PSMG2: variants seen among roughly 807,000 people sequenced by gnomAD.
PSMG2 encodes the protein proteasome assembly chaperone 2.
Under a neutral mutation model 31.5 loss-of-function variants are expected in PSMG2, and 21 were observed. That is an observed-to-expected ratio of 0.67 (90% CI 0.47 to 0.96). PSMG2 has a LOEUF of 0.96. Ranked by LOEUF, PSMG2 falls within the 40% of genes least tolerant of loss-of-function variation. The pLI, the probability that PSMG2 is intolerant of heterozygous loss-of-function variation, is 0.00. For synonymous variants in PSMG2, 120 were observed against 110.4 expected, an observed-to-expected ratio of 1.09 and a Z score of -0.54; for missense variants, 318 against 321.2, an observed-to-expected ratio of 0.99 and a Z score of 0.08.
At chr18:12,660,874 CTT>C (rs1381211139) in intron 1 of PSMG2, among the ~76,000 whole-genome samples, 1 of 152,036 alleles carries the variant, frequency 6.6e-6, no homozygotes, top group Non-Finnish European at 1.5e-5. Context: ...TGTGATGTTT[CTT>C]CTCTACACAA....
intron 3 of PSMG2, among the ~76,000 whole-genome samples, chr18:12,714,356 A>C (rs1399022915): frequency 6.6e-6 from 1 of 152,158 alleles, no homozygotes; most frequent in African/African-American, 2.4e-5. Flanking sequence ...CATTAAGCTC[A>C]TCCTGTCTCA....
At chr18:12,659,913 A>G (rs576079260) in intron 1 of PSMG2, among the ~76,000 whole-genome samples, 19 of 152,282 alleles carry the variant, frequency 1.2e-4, no homozygotes, top group South Asian at 2.1e-4. Flanking sequence ...AAAACAGACA[A>G]ACATTCCCAA....
intron 1 of PSMG2, among the ~76,000 whole-genome samples, chr18:12,671,761 C>G (rs1389035064): frequency 6.6e-6 from 1 of 151,018 alleles, no homozygotes; most frequent in African/African-American, 2.4e-5. Context: ...CCGCCTCAGA[C>G]TCCCGAGTAG....
At chr18:12,686,513 A>G (rs144339037) in intron 1 of PSMG2, 4 of 1,184,052 alleles carry the variant, frequency 3.4e-6, no homozygotes, top group Non-Finnish European at 4.9e-6. Context: ...TGTTTTTTTC[A>G]AATACATTAA....
upstream of PSMG2, chr18:12,698,833 G>C (rs1476856963): frequency 1.6e-5 from 10 of 621,482 alleles, no homozygotes; most frequent in Non-Finnish European, 2.8e-5. Context: ...GTGGATAGTA[G>C]TTTAAATTGA....
chr18:12,706,576 C>T lies in PSMG2; in HGVS notation c.84C>T (p.Gly28=). 1.2e-6 allele frequency: 2 copies of T among 1,613,796 alleles called. No individual in the cohort carries two copies. Among genetic ancestry groups the T allele is most frequent in the Non-Finnish European group, 8.5e-7 (1 of 1,179,930 alleles). ...LMPAVSVGNV[G]QLAMDLIIST... ...CAGCAGTATCTGTTGGAAATGTTGG[C>T]CAGCTTGCAATGGATCTGATTATTT... Residue 28 remains glycine, a synonymous_variant, in exon 2 of 7, where the codon GGC becomes GGT. Coordinates refer to ENST00000317615, the MANE Select transcript of PSMG2 (RefSeq NM_020232.5).
At chr18:12,707,690 T>TA (rs1291803304) in intron 2 of PSMG2, among the ~76,000 whole-genome samples, 1 of 152,236 alleles carries the variant, frequency 6.6e-6, no homozygotes, top group East Asian at 1.9e-4. Context: ...AGCACCCAGT[T>TA]ACTACCTTTG....
chr18:12,686,160 G>A (rs1762563161), intron 1 of PSMG2: 1 of 883,242 alleles, frequency 1.1e-6, no homozygotes, highest in Non-Finnish European at 1.7e-6. Context: ...ACAGAGGGTT[G>A]ACTATATGTG....
chr18:12,683,186 C>CAAAAAAAAAAA lies in PSMG2; in HGVS notation c.-36-23356_-36-23346dup, dbSNP rs765652085. On this transcript the variant is annotated intron_variant, in intron 1 of 6. Transcript: ENST00000585331. Reference sequence around the variant, plus strand: ...GAAACCCCATCTCTACTAAAAATACCAAAAAAAAAAAAAAAAAAGCCAGGC... The same window carrying CAAAAAAAAAAA: ...GAAACCCCATCTCTACTAAAAATACCAAAAAAAAAAAAAAAAAAAAAAAAAAAAAGCCAGGC... Among the ~76,000 whole-genome samples, 39 of 63,662 alleles carry CAAAAAAAAAAA rather than the reference C, an allele frequency of 6.1e-4. 2 individuals carry two copies. Among genetic ancestry groups the CAAAAAAAAAAA allele is most frequent in the African/African-American group, 1.8e-3 (31 of 16,992 alleles). The allele number at this position is 63,662 out of a possible 152,430, so 41.8% of individuals were successfully genotyped here.
At chr18:12,664,138 C>A (rs2038756200) in intron 1 of PSMG2, among the ~76,000 whole-genome samples, 1 of 151,650 alleles carries the variant, frequency 6.6e-6, no homozygotes, top group Non-Finnish European at 1.5e-5. Flanking sequence ...GCACTCCAGT[C>A]TGGGCAACCA....
chr18:12,709,138 C>T (rs181863275), intron 2 of PSMG2, among the ~76,000 whole-genome samples: 124 of 151,112 alleles, frequency 8.2e-4, no homozygotes, highest in Non-Finnish European at 1.4e-3. Context: ...CTCTGCCTCC[C>T]GGGTTCAAGC....
At chr18:12,660,879 C>T (rs1303389762) in intron 1 of PSMG2, among the ~76,000 whole-genome samples, 1 of 152,176 alleles carries the variant, frequency 6.6e-6, no homozygotes, top group Non-Finnish European at 1.5e-5. Flanking sequence ...TGTTTCTTCT[C>T]TACACAAAAT....
At chr18:12,721,714 A>T (rs996198173) in intron 5 of PSMG2, among the ~76,000 whole-genome samples, 4 of 149,866 alleles carry the variant, frequency 2.7e-5, no homozygotes, top group Non-Finnish European at 5.9e-5. Flanking sequence ...ATTCTCTATT[A>T]TTCTATTATT....
chr18:12,690,657 G>T (rs530763017), intron 1 of PSMG2, among the ~76,000 whole-genome samples: 1 of 152,022 alleles, frequency 6.6e-6, no homozygotes, highest in Admixed American at 6.6e-5. Context: ...GGGTTTCACC[G>T]TGTTAGCCAG....
At chr18:12,722,243 A>C (rs1350535684) in intron 5 of PSMG2, among the ~76,000 whole-genome samples, 2 of 152,230 alleles carry the variant, frequency 1.3e-5, no homozygotes, top group Non-Finnish European at 2.9e-5. Context: ...CAATTTATGA[A>C]ACAACTGTTT....
Position 12,673,154 on chromosome 18 carries a change from T to C in PSMG2, c.-37+14381T>C. 4.2e-6 allele frequency: 5 copies of C among 1,190,974 alleles called. No individual in the cohort carries two copies. The African/African-American group carries it at 6.4e-5, about 15-fold the overall frequency. 73.8% of individuals were successfully genotyped at this position (1,190,974 alleles called of 1,614,324 possible). On this transcript the variant is annotated intron_variant, in intron 1 of 6. Transcript: ENST00000585331. ...AATATACACTTAATTTATACTAAAT[T>C]CCAGGGAGATTTATACAAGTTTTTC...
chr18:12,696,593 G>A (rs187574144), intron 1 of PSMG2, among the ~76,000 whole-genome samples: 9 of 152,244 alleles, frequency 5.9e-5, no homozygotes, highest in African/African-American at 1.7e-4. Flanking sequence ...AAAAACCAAA[G>A]TAATTCCATT....
intron 1 of PSMG2, among the ~76,000 whole-genome samples, chr18:12,688,228 C>CAAAAAA (rs11337170): frequency 1.9e-4 from 18 of 94,008 alleles, no homozygotes; most frequent in Non-Finnish European, 2.2e-4. Context: ...GACTCCATCT[C>CAAAAAA]AAAAAAAAAA....
chr18:12,687,362 TATA>T (rs1371367503), intron 1 of PSMG2, among the ~76,000 whole-genome samples: 1 of 152,062 alleles, frequency 6.6e-6, no homozygotes, highest in Non-Finnish European at 1.5e-5. Flanking sequence ...TACATTTGAT[TATA>T]ATGAGAAAGA....
Sources: gnomAD v4.1 joint callset for allele counts (sites outside exome capture counted in the v4.1 genomes callset) on GRCh38, gnomAD v4.1.1 for gene constraint, MANE v1.5 for transcripts, NCBI Gene and HGNC (gene_info 2026-07-23, HGNC 2026-07-21) for gene names.